Variants in LRP1B observed in about 807,000 individuals in gnomAD.
LRP1B encodes the protein low-density lipoprotein receptor-related protein 1B.
LRP1B carries 217 observed loss-of-function variants against 556.6 expected under a neutral mutation model. The ratio of observed to expected loss-of-function variants is 0.39; its 90% CI spans 0.35 to 0.44. The LOEUF (loss-of-function observed/expected upper bound fraction) is 0.44, where lower values mean the gene tolerates loss of function less well. LRP1B is among the 20% of genes least tolerant of loss of function. The probability of loss-of-function intolerance (pLI) is 1.00; values close to 1 mark genes in which losing one functional copy is unlikely to be tolerated. For missense variants in LRP1B, 5,053 were observed against 5,620.8 expected (o/e 0.90, Z 3.23); for synonymous variants, 2,047 against 1,865.8 (o/e 1.10, Z -2.50).
intron 43 of LRP1B, among the ~76,000 whole-genome samples, chr2:140,573,602 G>T (rs1183351116): frequency 6.6e-6 from 1 of 152,030 alleles, no homozygotes; most frequent in African/African-American, 2.4e-5. Context: ...TTTGGGATTT[G>T]ATGACAGTCA....
In LRP1B at chr2:140,304,312, C is replaced by A. The variant is rs550947990; in HGVS notation, c.12806-6343G>T. 2.0e-5 allele frequency among the ~76,000 whole-genome samples: 3 copies of A among 152,126 alleles called. No homozygotes were observed. The South Asian group carries it at 6.2e-4, about 31-fold the overall frequency. ...GTGTTCCTATTCTCCACATCCTCTC[C>A]AGCACCTGTTGTTTCCTGACTTTTT... On this transcript the variant is annotated intron_variant, in intron 83 of 90. Coordinates refer to ENST00000389484, the MANE Select transcript of LRP1B (RefSeq NM_018557.3).
intron 11 of LRP1B, among the ~76,000 whole-genome samples, chr2:141,042,986 G>A (rs1698747203): frequency 6.8e-6 from 1 of 147,882 alleles, no homozygotes; most frequent in African/African-American, 2.5e-5. Context: ...GAGCCCAGGA[G>A]TTTGCAACCA....
chr2:140,635,273 G>A (rs1467324220), intron 41 of LRP1B, among the ~76,000 whole-genome samples: 1 of 151,946 alleles, frequency 6.6e-6, no homozygotes, highest in Non-Finnish European at 1.5e-5. Flanking sequence ...GAAGCTTTTA[G>A]CAGAATGCAT....
chr2:140,418,363 T>A (rs1158641380), intron 66 of LRP1B, among the ~76,000 whole-genome samples: 2 of 152,174 alleles, frequency 1.3e-5, no homozygotes, highest in African/African-American at 2.4e-5. Flanking sequence ...AAGGAGTGGA[T>A]CTGTGACCCA....
chr2:140,448,071 T>C (rs1357531253), intron 63 of LRP1B, among the ~76,000 whole-genome samples: 1 of 133,050 alleles, frequency 7.5e-6, no homozygotes, highest in African/African-American at 2.8e-5. Flanking sequence ...ATAATAGTAA[T>C]GAAAAAAAAA....
intron 1 of LRP1B, among the ~76,000 whole-genome samples, chr2:141,964,234 G>GA (rs1470728297): frequency 2.0e-5 from 3 of 150,610 alleles, no homozygotes; most frequent in African/African-American, 4.9e-5. Context: ...CACAGAATTG[G>GA]AAAAAACTAC....
intron 1 of LRP1B, among the ~76,000 whole-genome samples, chr2:141,831,727 T>C (rs746822659): frequency 9.2e-5 from 14 of 151,674 alleles, no homozygotes; most frequent in Non-Finnish European, 1.9e-4. Context: ...CATGCTTTGT[T>C]GTTGTGTTGA....
chr2:142,128,084 A>G (rs1432914716), intron 1 of LRP1B, among the ~76,000 whole-genome samples: 2 of 152,136 alleles, frequency 1.3e-5, no homozygotes, highest in African/African-American at 4.8e-5. Flanking sequence ...TAGAATCAAT[A>G]TAAACTAATA....
At chr2:140,949,741 C>G (rs969844955) in intron 20 of LRP1B, among the ~76,000 whole-genome samples, 2 of 151,596 alleles carry the variant, frequency 1.3e-5, no homozygotes, top group African/African-American at 4.8e-5. Context: ...GAGATCGAGA[C>G]CATCCTGGCT....
rs529008141 is a variant in LRP1B, at chr2:141,060,109, A to C, written c.1237-1055T>G. Among the ~76,000 whole-genome samples, 9 of 151,950 alleles carry C rather than the reference A, an allele frequency of 5.9e-5. No homozygotes were observed. In the South Asian group the frequency reaches 1.9e-3, roughly 31 times the overall value. On this transcript the variant is annotated intron_variant, in intron 8 of 90. Transcript: ENST00000389484. ...ACAAAATTTTCTATTTTAACCAGAA[A>C]ATCTTGCCAGTTCTATAGTTTAAAC...
intron 1 of LRP1B, among the ~76,000 whole-genome samples, chr2:142,111,278 A>G (rs1282310108): frequency 6.6e-6 from 1 of 152,108 alleles, no homozygotes; most frequent in African/African-American, 2.4e-5. Context: ...GCAAAGGTTC[A>G]GGGAGATTGT....
intron 1 of LRP1B, among the ~76,000 whole-genome samples, chr2:142,006,602 T>A (rs986433199): frequency 2.6e-5 from 4 of 152,240 alleles, no homozygotes; most frequent in African/African-American, 9.6e-5. Flanking sequence ...AGCAGAAGGC[T>A]GGTCTCTGGC....
chr2:140,257,369 G>C (rs1259367774), intron 86 of LRP1B, among the ~76,000 whole-genome samples: 1 of 152,036 alleles, frequency 6.6e-6, no homozygotes, highest in Non-Finnish European at 1.5e-5. Context: ...TGGTTTATTT[G>C]GTTATTCTTA....
chr2:141,167,166 C>G (rs1680304278), intron 7 of LRP1B: 2 of 151,656 alleles, frequency 1.3e-5, no homozygotes, highest in African/African-American at 2.4e-5. Context: ...AATCAAAATC[C>G]TCATTTGATA....
At chr2:142,094,208 T>C (rs1706276337) in intron 1 of LRP1B, among the ~76,000 whole-genome samples, 1 of 152,120 alleles carries the variant, frequency 6.6e-6, no homozygotes, top group Non-Finnish European at 1.5e-5. Context: ...TAGATTTAAA[T>C]GTATGGATTC....
intron 41 of LRP1B, among the ~76,000 whole-genome samples, chr2:140,684,269 T>A (rs1270724276): frequency 6.6e-6 from 1 of 152,224 alleles, no homozygotes; most frequent in South Asian, 2.1e-4. Context: ...AATTTTGAAA[T>A]CAATGTTCAT....
intron 23 of LRP1B, among the ~76,000 whole-genome samples, chr2:140,887,575 G>T (rs2105195154): frequency 6.6e-6 from 1 of 152,144 alleles, no homozygotes; most frequent in South Asian, 2.1e-4. Flanking sequence ...GAACACCCCA[G>T]ATAATTAAAA....
chr2:141,409,200 T>C (rs574899385), intron 3 of LRP1B, among the ~76,000 whole-genome samples: 1 of 152,326 alleles, frequency 6.6e-6, no homozygotes, highest in African/African-American at 2.4e-5. Context: ...TTGACACACG[T>C]TAAGTTATAT....
At chr2:141,414,464 G>A (rs1275745016) in intron 3 of LRP1B, among the ~76,000 whole-genome samples, 1 of 152,022 alleles carries the variant, frequency 6.6e-6, no homozygotes, top group Non-Finnish European at 1.5e-5. Context: ...AGAGGCAAGT[G>A]TGTTAGCACA....
Sources: allele counts gnomAD v4.1 joint callset (sites outside exome capture counted in the v4.1 genomes callset), GRCh38; gene constraint gnomAD v4.1.1; transcripts MANE v1.5; gene names NCBI Gene and HGNC (gene_info 2026-07-23, HGNC 2026-07-21).